The following PIWIL4 variants were observed in gnomAD, a reference collection of about 807,000 sequenced individuals.
PIWIL4 encodes piwi-like protein 4.
Under a neutral mutation model 100.9 loss-of-function variants are expected in PIWIL4, and 50 were observed. The observed-to-expected ratio is 0.50, with a 90% confidence interval of 0.39 to 0.63. PIWIL4 has a LOEUF of 0.63. PIWIL4 is among the 20% of genes least tolerant of loss of function. The pLI is 0.00. For missense variants in PIWIL4, 887 were observed against 1,043.3 expected (o/e 0.85, Z 2.06); for synonymous variants, 342 against 367.5 (o/e 0.93, Z 0.79).
At chr11:94,583,042 A>ATGTGTG (rs112392209) in intron 4 of PIWIL4, among the ~76,000 whole-genome samples, 7,119 of 140,192 alleles carry the variant, frequency 0.051, 222 homozygotes, top group Admixed American at 0.11. Context: ...GTATATATAT[A>ATGTGTG]TATGTGTGTG....
chr11:94,595,267 T>C (rs1281326173), intron 9 of PIWIL4, 42 bp from the exon 10 acceptor site: 1 of 1,562,730 alleles, frequency 6.4e-7, no homozygotes, highest in Non-Finnish European at 8.8e-7. Context: ...GCTGAGTTGC[T>C]TATGTTCATT....
At chr11:94,614,410 T>A (rs1166573651) in intron 15 of PIWIL4, among the ~76,000 whole-genome samples, 2 of 150,412 alleles carry the variant, frequency 1.3e-5, no homozygotes, top group Admixed American at 6.7e-5. Flanking sequence ...CAGGTTCAAC[T>A]GATTCTCCTG....
chr11:94,614,009 G>T (rs1006193288), intron 15 of PIWIL4, among the ~76,000 whole-genome samples: 12 of 152,168 alleles, frequency 7.9e-5, no homozygotes, highest in African/African-American at 2.9e-4. Flanking sequence ...TGATCCACCT[G>T]CCTCAGCCTC....
At chr11:94,620,716 C>A (rs2135310835) in intron 19 of PIWIL4, among the ~76,000 whole-genome samples, 160 bp from the exon 20 acceptor site, 1 of 152,176 alleles carries the variant, frequency 6.6e-6, no homozygotes, top group South Asian at 2.1e-4. Flanking sequence ...GCTTAAGTTC[C>A]CAGTAAGTTA....
intron 2 of PIWIL4, among the ~76,000 whole-genome samples, chr11:94,569,797 A>G (rs192462072): frequency 7.4e-6 from 1 of 135,170 alleles, no homozygotes; most frequent in African/African-American, 2.7e-5. Flanking sequence ...AATAATAGAC[A>G]TTGGAGACTC....
intron 8 of PIWIL4, among the ~76,000 whole-genome samples, chr11:94,591,519 G>A (rs2135266990): frequency 1.3e-5 from 2 of 152,300 alleles, no homozygotes; most frequent in Admixed American, 1.3e-4. Flanking sequence ...AAAACATCTT[G>A]TGCATAAAAT....
At chr11:94,581,586 G>C (rs1451592389) in intron 4 of PIWIL4, among the ~76,000 whole-genome samples, 1 of 152,198 alleles carries the variant, frequency 6.6e-6, no homozygotes, top group Non-Finnish European at 1.5e-5. Flanking sequence ...CATTTCCATG[G>C]CAGCTGTGTT....
intron 15 of PIWIL4, among the ~76,000 whole-genome samples, chr11:94,610,691 G>T (rs1282685403): frequency 6.6e-6 from 1 of 151,904 alleles, no homozygotes; most frequent in African/African-American, 2.4e-5. Flanking sequence ...TGAATTGTAT[G>T]GGTTCTTCAT....
chr11:94,615,013 G>C (rs972648176), intron 15 of PIWIL4, among the ~76,000 whole-genome samples: 1 of 152,196 alleles, frequency 6.6e-6, no homozygotes. Context: ...AGCCTGGTCA[G>C]GGGTGGTGGT....
At chr11:94,613,831 T>TG (rs907191426) in intron 15 of PIWIL4, among the ~76,000 whole-genome samples, 1 of 152,136 alleles carries the variant, frequency 6.6e-6, no homozygotes. Flanking sequence ...GGCACAATCT[T>TG]GGCTCTCTGC....
chr11:94,619,854 G>C lies in PIWIL4; in HGVS notation c.2263G>C (p.Val755Leu). ...RTVQNPPLGTVVDSEATRNEW... is the reference protein window; with the variant it reads ...RTVQNPPLGTLVDSEATRNEW... ...TGTACAGAACCCCCCACTTGGCACT[G>C]TTGTGGATTCAGAAGCAACACGTAA... is the stretch of plus-strand genomic sequence containing the variant. Residue 755 changes from valine to leucine, a missense_variant, in exon 18 of 20, where the codon GTT becomes CTT. Val to Leu is a conservative substitution (Grantham distance 32). This residue lies in a region of PIWIL4 where 741 missense variants were observed against 930.0 expected (regional missense o/e 0.80). Transcript: ENST00000299001. 6.2e-7 allele frequency: 1 copy of C among 1,614,214 alleles called. No individual in the cohort carries two copies.
Position 94,607,439 on chromosome 11 carries a change from G to C in PIWIL4, c.1639G>C (p.Val547Leu). ...AATCTTTTGCTGTTTTTGCTTTTAG[G>C]TAATGTGCATTCTGCCTTCTAATCA... Reference protein sequence around the residue: ...QQYVDPDVQLVMCILPSNQKT... With the variant: ...QQYVDPDVQLLMCILPSNQKT... Residue 547 changes from valine (V) to leucine (L), a missense_variant and splice_region_variant, in exon 14 of 20, where the codon GTA becomes CTA. Coordinates refer to ENST00000299001, the MANE Select transcript of PIWIL4 (RefSeq NM_152431.3). 6.2e-7 allele frequency: 1 copy of C among 1,612,752 alleles called. No individual in the cohort carries two copies. Among genetic ancestry groups the C allele is most frequent in the South Asian group, 1.1e-5 (1 of 90,816 alleles).
chr11:94,591,385 C>T (rs1948483487), intron 8 of PIWIL4, among the ~76,000 whole-genome samples: 1 of 152,246 alleles, frequency 6.6e-6, no homozygotes, highest in Non-Finnish European at 1.5e-5. Context: ...TTCTGTCACA[C>T]ACGTAGAAGA....
rs1948448432 is a variant in PIWIL4, at chr11:94,589,309, T to C, written c.1026+77T>C. On this transcript the variant is annotated intron_variant, in intron 8 of 19. Coordinates refer to ENST00000299001, the MANE Select transcript of PIWIL4 (RefSeq NM_152431.3). ...GTCTCCTTATTCCAAGTCTCAGAGG[T>C]CCCCCAGATTGGAGGCTGAGTCTGC... The C allele has an allele frequency of 3.2e-6, 4 of 1,259,368 alleles. No homozygotes were observed. The African/African-American group carries it at 4.4e-5, about 14-fold the overall frequency. 78.0% of individuals were successfully genotyped at this position (1,259,368 alleles called of 1,614,324 possible).
intron 15 of PIWIL4, among the ~76,000 whole-genome samples, chr11:94,611,062 G>T (rs1397229778): frequency 6.6e-6 from 1 of 152,120 alleles, no homozygotes; most frequent in African/African-American, 2.4e-5. Flanking sequence ...TGGTGTTTTT[G>T]TCAAAGATTA....
At position 94,621,230 on chromosome 11, in the gene PIWIL4, T is replaced by C. The variant is rs1401025174; in HGVS notation, c.*238T>C. ...CATTGTCATATGTGGAATTTAAATA[T>C]ACCATCATCTACAAAGAATTCCACA... On this transcript the variant is annotated 3_prime_UTR_variant, in exon 20 of 20. Coordinates refer to ENST00000299001, the MANE Select transcript of PIWIL4 (RefSeq NM_152431.3). 1 of 430,536 alleles carries C rather than the reference T, an allele frequency of 2.3e-6. No individual in the cohort carries two copies. Among genetic ancestry groups the C allele is most frequent in the Non-Finnish European group, 4.2e-6 (1 of 240,268 alleles). 26.7% of individuals were successfully genotyped at this position (430,536 alleles called of 1,614,324 possible).
At chr11:94,612,245 C>T (rs150129783) in intron 15 of PIWIL4, among the ~76,000 whole-genome samples, 1,515 of 150,890 alleles carry the variant, frequency 0.01, 30 homozygotes, top group African/African-American at 0.035. Context: ...TGCATACATA[C>T]GTAAAATTGA....
chr11:94,596,422 T>G (rs1948560179), intron 10 of PIWIL4, among the ~76,000 whole-genome samples: 1 of 152,184 alleles, frequency 6.6e-6, no homozygotes, highest in African/African-American at 2.4e-5. Context: ...CAATTAATAT[T>G]AGTAATATTC....
intron 12 of PIWIL4, among the ~76,000 whole-genome samples, chr11:94,602,869 A>G (rs568186539): frequency 6.6e-6 from 1 of 152,280 alleles, no homozygotes; most frequent in East Asian, 1.9e-4. Flanking sequence ...CACCCGCTCT[A>G]CTTTCTCTAA....
Sources: allele counts gnomAD v4.1 joint callset (sites outside exome capture counted in the v4.1 genomes callset), GRCh38; gene constraint gnomAD v4.1.1; regional missense constraint gnomAD v4.1.1; transcripts MANE v1.5; gene names NCBI Gene and HGNC (gene_info 2026-07-23, HGNC 2026-07-21).